Variants in CMIP observed in about 807,000 individuals in gnomAD.
CMIP encodes c-Maf inducing protein.
In CMIP, 13 loss-of-function variants were observed where a neutral mutation model predicts 97.3. That is an observed-to-expected ratio of 0.13 (90% CI 0.09 to 0.21). The LOEUF (loss-of-function observed/expected upper bound fraction) is 0.21, where lower values mean the gene tolerates loss of function less well. Among genes scored for constraint, CMIP ranks in the 10% least tolerant of loss-of-function variants. CMIP has a pLI of 1.00. For missense variants in CMIP, 847 were observed against 1,024.9 expected (o/e 0.83, Z 2.37); for synonymous variants, 538 against 436.3 (o/e 1.23, Z -2.91).
At chr16:81,588,440 C>T (rs2091416885) in intron 1 of CMIP, among the ~76,000 whole-genome samples, 1 of 152,114 alleles carries the variant, frequency 6.6e-6, no homozygotes, top group South Asian at 2.1e-4. Flanking sequence ...CAGGTGTGGT[C>T]CCGGTGTGCC....
intron 1 of CMIP, among the ~76,000 whole-genome samples, chr16:81,602,712 T>A (rs576636006): frequency 3.0e-4 from 45 of 152,248 alleles, no homozygotes; most frequent in African/African-American, 1.0e-3. Flanking sequence ...GGAAAAAAAT[T>A]TTTCGTCTGC....
chr16:81,687,422 A>C (rs1051877832), intron 10 of CMIP, among the ~76,000 whole-genome samples: 1 of 152,214 alleles, frequency 6.6e-6, no homozygotes, highest in African/African-American at 2.4e-5. Context: ...GGCCTGGCTT[A>C]GGCGAGAACT....
chr16:81,675,784 C>T (rs1904298480), intron 9 of CMIP, among the ~76,000 whole-genome samples: 1 of 152,158 alleles, frequency 6.6e-6, no homozygotes, highest in South Asian at 2.1e-4. Context: ...CCATGAATAG[C>T]CAGCTTCTCA....
chr16:81,693,326 C>A, intron 12 of CMIP, 113 bp from the exon 13 acceptor site: 1 of 1,458,262 alleles, frequency 6.9e-7, no homozygotes, highest in Non-Finnish European at 9.4e-7. Flanking sequence ...CCTGATCCAC[C>A]GCCTTGCCCA....
At chr16:81,553,533 G>T (rs1000809471) in intron 1 of CMIP, among the ~76,000 whole-genome samples, 10 of 152,194 alleles carry the variant, frequency 6.6e-5, no homozygotes, top group African/African-American at 2.4e-4. Flanking sequence ...CCCGGCGCCA[G>T]CTTCGAACAG....
At chr16:81,665,725 A>G (rs905766549) in intron 7 of CMIP, 1 of 152,188 alleles carries the variant, frequency 6.6e-6, no homozygotes, top group Admixed American at 6.5e-5. Context: ...TATATCACCT[A>G]CAGCCCCTTC....
chr16:81,653,260 T>G (rs1328681630), intron 4 of CMIP, among the ~76,000 whole-genome samples: 1 of 151,898 alleles, frequency 6.6e-6, no homozygotes, highest in Non-Finnish European at 1.5e-5. Flanking sequence ...GTCCTGAGTC[T>G]CCCCCGTCAA....
At chr16:81,499,311 G>A (rs1043818586) in intron 1 of CMIP, among the ~76,000 whole-genome samples, 3 of 152,058 alleles carry the variant, frequency 2.0e-5, no homozygotes, top group African/African-American at 4.8e-5. Flanking sequence ...AAGGACACTC[G>A]GCACACATAC....
At chr16:81,577,534 A>C (rs2091215799) in intron 1 of CMIP, among the ~76,000 whole-genome samples, 1 of 145,140 alleles carries the variant, frequency 6.9e-6, no homozygotes, top group Non-Finnish European at 1.5e-5. Context: ...CATCATCCCC[A>C]TTACAACTAT....
At chr16:81,498,645 C>T (rs1413020327) in intron 1 of CMIP, among the ~76,000 whole-genome samples, 1 of 152,200 alleles carries the variant, frequency 6.6e-6, no homozygotes, top group Non-Finnish European at 1.5e-5. Flanking sequence ...ACTTGCATAC[C>T]CCACGAGCAC....
intron 3 of CMIP, among the ~76,000 whole-genome samples, chr16:81,626,992 G>A (rs1269590890): frequency 1.3e-5 from 2 of 149,630 alleles, no homozygotes; most frequent in Non-Finnish European, 3.0e-5. Context: ...TTTTATGAAT[G>A]TGTGTGTGTG....
intron 5 of CMIP, among the ~76,000 whole-genome samples, 187 bp from the exon 6 acceptor site, chr16:81,660,693 CAGAT>C (rs2092535655): frequency 6.6e-6 from 1 of 152,102 alleles, no homozygotes; most frequent in Non-Finnish European, 1.5e-5. Context: ...CCCACACAGA[CAGAT>C]ACGGTTGTGG....
At chr16:81,677,109 G>T (rs1016768075) in intron 9 of CMIP, among the ~76,000 whole-genome samples, 4 of 152,104 alleles carry the variant, frequency 2.6e-5, no homozygotes, top group Admixed American at 6.5e-5. Context: ...CTGGTGTCCC[G>T]CCAGGGGTGG....
At chr16:81,450,945 C>T (rs749577294) in intron 1 of CMIP, among the ~76,000 whole-genome samples, 14 of 152,180 alleles carry the variant, frequency 9.2e-5, no homozygotes, top group Non-Finnish European at 8.8e-5. Context: ...AGCTGTCTAC[C>T]GTGGTTCTTC....
chr16:81,558,509 A>G (rs918759172), intron 1 of CMIP, among the ~76,000 whole-genome samples: 2 of 152,228 alleles, frequency 1.3e-5, no homozygotes, highest in Admixed American at 1.3e-4. Context: ...TGTAGAGACC[A>G]GGGATACTGC....
chr16:81,645,737 C>A, intron 3 of CMIP: 3 of 970,678 alleles, frequency 3.1e-6, no homozygotes, highest in South Asian at 1.4e-5. Flanking sequence ...ATGTGGGGAG[C>A]CCTCCTGAGT....
intron 3 of CMIP, among the ~76,000 whole-genome samples, chr16:81,649,231 C>T (rs2092399538): frequency 6.6e-6 from 1 of 152,264 alleles, no homozygotes; most frequent in South Asian, 2.1e-4. Context: ...GCTCTGAATA[C>T]AGCCTCTGCA....
At chr16:81,461,885 C>G (rs748096664) in intron 1 of CMIP, among the ~76,000 whole-genome samples, 15 of 152,186 alleles carry the variant, frequency 9.9e-5, no homozygotes, top group Non-Finnish European at 1.9e-4. Context: ...GTATATTTAT[C>G]CAACATTCAG....
intron 1 of CMIP, among the ~76,000 whole-genome samples, chr16:81,536,562 C>T (rs2090346858): frequency 1.3e-5 from 2 of 152,210 alleles, no homozygotes; most frequent in South Asian, 2.1e-4. Flanking sequence ...TAGCACAACC[C>T]GTCTCCGGAA....
Sources: allele counts gnomAD v4.1 joint callset (sites outside exome capture counted in the v4.1 genomes callset), GRCh38; gene constraint gnomAD v4.1.1; transcripts MANE v1.5; gene names NCBI Gene and HGNC (gene_info 2026-07-23, HGNC 2026-07-21).